The following MPPE1 variants were observed in gnomAD, a reference collection of about 807,000 sequenced individuals.
The protein encoded by MPPE1 is metallophosphoesterase 1, also known as metallo phosphoesterase.
MPPE1 carries 28 observed loss-of-function variants against 43.8 expected under a neutral mutation model. The ratio of observed to expected loss-of-function variants is 0.64; its 90% CI spans 0.47 to 0.88. The LOEUF is 0.88. Ranked by LOEUF, MPPE1 falls within the 40% of genes least tolerant of loss-of-function variation. The pLI is 0.00. For missense variants in MPPE1, 428 were observed against 492.2 expected (o/e 0.87, Z 1.23); for synonymous variants, 159 against 188.5 (o/e 0.84, Z 1.28).
At chr18:11,903,452 G>T (rs2039389237) in intron 2 of MPPE1, among the ~76,000 whole-genome samples, 1 of 152,196 alleles carries the variant, frequency 6.6e-6, no homozygotes, top group Non-Finnish European at 1.5e-5. Flanking sequence ...GAATCATGGA[G>T]AAGGGAGGGG....
At chr18:11,903,622 C>T (rs1439834217) in intron 2 of MPPE1, among the ~76,000 whole-genome samples, 2 of 152,220 alleles carry the variant, frequency 1.3e-5, no homozygotes, top group Admixed American at 1.3e-4. Flanking sequence ...CTGGCTAACA[C>T]AGTGAAACCC....
rs759463447 is a variant in MPPE1 at position 11,888,675 on chromosome 18, C to A, written c.563G>T (p.Gly188Val). Residue 188 changes from glycine (G) to valine (V), a missense_variant, in exon 6 of 11, where the codon GGC becomes GTC. Gly to Val is a moderately radical substitution (Grantham distance 109, BLOSUM62 -3). Around this residue, in one of 3 missense-constraint regions of MPPE1, gnomAD observed 379 missense variants for 402.5 expected, o/e 0.94. Transcript: ENST00000588072. ...ATTTACAAATAATACTCACTTAATG[C>A]CTTTCCAAGAAAACAGTCTTTCAGA... ...FSSERLFSWK[G>V]INFVMVNSVA... is the part of the protein sequence containing the mutation. The A allele has an allele frequency of 1.3e-6, 2 of 1,592,958 alleles. No individual in the cohort carries two copies. Among genetic ancestry groups the A allele is most frequent in the Non-Finnish European group, 8.6e-7 (1 of 1,168,684 alleles).
chr18:11,889,185 C>A (rs755412034), intron 5 of MPPE1, among the ~76,000 whole-genome samples: 3 of 152,200 alleles, frequency 2.0e-5, no homozygotes, highest in Non-Finnish European at 4.4e-5. Flanking sequence ...ACATACAATT[C>A]ATTCATTCCA....
rs113765428 is a variant in MPPE1 at position 11,901,478 on chromosome 18, G to A, written c.-92-4122C>T. On this transcript the variant is annotated intron_variant, in intron 2 of 10. Coordinates refer to ENST00000588072, the MANE Select transcript of MPPE1 (RefSeq NM_023075.6). Reference sequence around the variant, plus strand: ...ACTCCTGGCCTCAGGTGATCCACCCGCCTCGGCCTCCCAAAGTACTAGGAT... The same window carrying A: ...ACTCCTGGCCTCAGGTGATCCACCCACCTCGGCCTCCCAAAGTACTAGGAT... Among the ~76,000 whole-genome samples the A allele has an allele frequency of 4.6e-3, 703 of 151,190 alleles. 6 individuals carry two copies. Among genetic ancestry groups the A allele is most frequent in the African/African-American group, 0.016 (663 of 41,310 alleles).
chr18:11,905,777 G>C (rs981209688), intron 2 of MPPE1: 14 of 152,264 alleles, frequency 9.2e-5, no homozygotes, highest in African/African-American at 3.1e-4. Flanking sequence ...AGCTCTGTGA[G>C]GAGTTAGCCA....
chr18:11,904,511 G>T (rs1016210905), intron 2 of MPPE1, among the ~76,000 whole-genome samples: 1 of 152,052 alleles, frequency 6.6e-6, no homozygotes, highest in African/African-American at 2.4e-5. Context: ...TAGAGACAGG[G>T]TTTCACCATG....
In MPPE1 at chr18:11,901,862, C is replaced by T. The variant is rs143739367; in HGVS notation, c.-93+4341G>A. On this transcript the variant is annotated intron_variant, in intron 2 of 10. Transcript: ENST00000588072. Reference sequence around the variant, plus strand: ...TCAAAATAAATAAATAAAGGGGGAACGGCAAACAAATACTGGATTTTAACT... The same window carrying T: ...TCAAAATAAATAAATAAAGGGGGAATGGCAAACAAATACTGGATTTTAACT... Among the ~76,000 whole-genome samples the T allele has an allele frequency of 3.1e-3, 468 of 152,122 alleles. 2 individuals carry two copies. The highest frequency in any genetic ancestry group is 7.0e-3 in the Admixed American group (107 of 15,284).
chr18:11,905,243 C>A (rs1476056917), intron 2 of MPPE1: 1 of 151,998 alleles, frequency 6.6e-6, no homozygotes, highest in Non-Finnish European at 1.5e-5. Context: ...GGAGGCAGAG[C>A]TTGCAATGAG....
rs1427482051 is a variant in MPPE1 at position 11,896,998 on chromosome 18, C to A, written c.267G>T (p.Leu89=). 5.0e-6 allele frequency: 8 copies of A among 1,599,794 alleles called. No homozygotes were observed. Among genetic ancestry groups the A allele is most frequent in the Non-Finnish European group, 6.8e-6 (8 of 1,173,288 alleles). The stretch of plus-strand genomic sequence containing the variant: ...TTACCTCTTACCTTCGTAATTTGTC[C>A]AGCCAGTGGCCTAGGAATTCCCCAA... ...HLLGEFLGHW[L]DKLRREWQME... Residue 89 remains leucine, a synonymous_variant, in exon 3 of 11, where the codon CTG becomes CTT. Transcript: ENST00000588072.
chr18:11,883,199 T>C lies in MPPE1; in HGVS notation c.*1246A>G, dbSNP rs912912332. On this transcript the variant is annotated 3_prime_UTR_variant, in exon 11 of 11. Coordinates refer to ENST00000588072, the MANE Select transcript of MPPE1 (RefSeq NM_023075.6). ...TAGACAGTCAGTGCAACACACACAT[T>C]TTATCTCATCACCGTCTTACTGCCT... 1.0e-4 allele frequency: 15 copies of C among 148,552 alleles called. No individual in the cohort carries two copies. Among genetic ancestry groups the C allele is most frequent in the African/African-American group, 2.8e-4 (11 of 38,754 alleles). The allele number at this position is 148,552 out of a possible 1,614,324, so 9.2% of individuals were successfully genotyped here.
intron 2 of MPPE1, among the ~76,000 whole-genome samples, chr18:11,903,537 T>C (rs990674179): frequency 2.6e-5 from 4 of 152,136 alleles, no homozygotes; most frequent in Admixed American, 2.6e-4. Context: ...CTGGGCACGG[T>C]GGCTCACGCC....
Position 11,883,707 on chromosome 18 carries a change from T to C in MPPE1, c.*738A>G, listed in dbSNP as rs543715898. 3 of 152,314 alleles carry C rather than the reference T, an allele frequency of 2.0e-5. No individual in the cohort carries two copies. Among genetic ancestry groups the C allele is most frequent in the African/African-American group, 7.2e-5 (3 of 41,466 alleles). The allele number at this position is 152,314 out of a possible 1,614,324, so 9.4% of individuals were successfully genotyped here. On this transcript the variant is annotated 3_prime_UTR_variant, in exon 11 of 11. Coordinates refer to ENST00000588072, the MANE Select transcript of MPPE1 (RefSeq NM_023075.6). ...ATCTGTACTTTTTTTTTTTTAAATA[T>C]ATTTTTTGAGACGGAGTCTCACTCT...
At chr18:11,893,196 C>T (rs2038195012) in intron 4 of MPPE1, 1 of 396,850 alleles carries the variant, frequency 2.5e-6, no homozygotes, top group South Asian at 4.1e-5. Context: ...ACAGTGTATT[C>T]CAACTAAATG....
rs2037268770 is a variant in MPPE1 at position 11,886,471 on chromosome 18, G to T, written c.867+28C>A. On this transcript the variant is annotated intron_variant, in intron 9 of 10. Coordinates refer to ENST00000588072, the MANE Select transcript of MPPE1 (RefSeq NM_023075.6). The surrounding 1 kb of genome is among the most constrained non-coding windows in gnomAD (Gnocchi z 4.1). ...GGTGATGAGAGTCACACTGTGACAT[G>T]AATTAGCATCACGACACCCTGGCAA... is the stretch of plus-strand genomic sequence containing the variant. The T allele has an allele frequency of 1.9e-6, 3 of 1,613,940 alleles. No homozygotes were observed. The highest frequency in any genetic ancestry group is 2.7e-5 in the African/African-American group (2 of 74,918).
At chr18:11,894,579 T>C (rs1292200688) in intron 3 of MPPE1, among the ~76,000 whole-genome samples, 1 of 152,004 alleles carries the variant, frequency 6.6e-6, no homozygotes, top group East Asian at 1.9e-4. Context: ...TAAATGGCGA[T>C]TTTATTTTAT....
chr18:11,894,162 C>T lies in MPPE1; in HGVS notation c.282-586G>A, dbSNP rs142562660. On this transcript the variant is annotated intron_variant, in intron 3 of 10. Transcript: ENST00000588072. ...AGAGCCTGGAGGCTGGGTATGGTGG[C>T]TCATGCCTGTAATCCCAGCACTTTG... is the stretch of plus-strand genomic sequence containing the variant. Among the ~76,000 whole-genome samples, 471 of 152,220 alleles carry T rather than the reference C, an allele frequency of 3.1e-3. 2 individuals are homozygous for T. Among genetic ancestry groups the T allele is most frequent in the African/African-American group, 0.011 (447 of 41,538 alleles).
At chr18:11,892,066 G>A (rs552520260) in intron 4 of MPPE1, among the ~76,000 whole-genome samples, 8 of 152,216 alleles carry the variant, frequency 5.3e-5, no homozygotes, top group African/African-American at 7.2e-5. Flanking sequence ...TAGGTCTGGC[G>A]CAGCGGCTCA....
At chr18:11,899,376 TC>T (rs1395640021) in intron 2 of MPPE1, among the ~76,000 whole-genome samples, 2 of 152,234 alleles carry the variant, frequency 1.3e-5, no homozygotes, top group Non-Finnish European at 2.9e-5. Flanking sequence ...AAAATGGGTT[TC>T]CCCCTGCAAA....
intron 4 of MPPE1, among the ~76,000 whole-genome samples, chr18:11,891,949 C>T (rs548908415): frequency 1.7e-4 from 26 of 152,056 alleles, no homozygotes; most frequent in Middle Eastern, 3.4e-3. Flanking sequence ...TGAGTAGCGG[C>T]GTGCACCATC....
Sources: allele counts gnomAD v4.1 joint callset (sites outside exome capture counted in the v4.1 genomes callset), GRCh38; gene constraint gnomAD v4.1.1; regional missense constraint gnomAD v4.1.1; non-coding constraint Gnocchi (gnomAD v3.1); transcripts MANE v1.5; gene names NCBI Gene and HGNC (gene_info 2026-07-23, HGNC 2026-07-21).